The following AXDND1 variants were observed in gnomAD, a reference collection of about 807,000 sequenced individuals.
AXDND1 encodes axonemal dynein light chain domain containing 1, also known as axonemal dynein light chain domain-containing protein 1.
In AXDND1, 110 loss-of-function variants were observed where a neutral mutation model predicts 137.5. The ratio of observed to expected loss-of-function variants is 0.80; its 90% CI spans 0.69 to 0.94. The LOEUF (loss-of-function observed/expected upper bound fraction) is 0.94. AXDND1 is among the 40% of genes least tolerant of loss of function. The pLI is 0.00. For missense variants in AXDND1, 1,191 were observed against 1,169.8 expected (o/e 1.02, Z -0.26); for synonymous variants, 414 against 399.7 (o/e 1.04, Z -0.43).
chr1:179,553,647 G>C (rs915568966), intron 25 of AXDND1, among the ~76,000 whole-genome samples: 1 of 152,152 alleles, frequency 6.6e-6, no homozygotes, highest in African/African-American at 2.4e-5. Flanking sequence ...TTCCTTTCGG[G>C]ATGATGAAAA....
At chr1:179,530,063 A>G (rs1430300262) in intron 23 of AXDND1, among the ~76,000 whole-genome samples, 1 of 152,098 alleles carries the variant, frequency 6.6e-6, no homozygotes, top group Non-Finnish European at 1.5e-5. Context: ...GAGTCTTCGC[A>G]CTGTCACCTG....
At chr1:179,495,142 A>C (rs539796212) in intron 20 of AXDND1, among the ~76,000 whole-genome samples, 1 of 152,078 alleles carries the variant, frequency 6.6e-6, no homozygotes, top group East Asian at 1.9e-4. Context: ...AGGTAATATA[A>C]ATCCTCCAAA....
chr1:179,371,206 T>C (rs78949922), intron 4 of AXDND1, among the ~76,000 whole-genome samples: 2 of 152,108 alleles, frequency 1.3e-5, no homozygotes, highest in East Asian at 3.9e-4. Context: ...GGTGGGCAGA[T>C]CATTTGAGGT....
chr1:179,388,346 T>C (rs899031313), intron 9 of AXDND1, among the ~76,000 whole-genome samples: 1 of 152,234 alleles, frequency 6.6e-6, no homozygotes, highest in Non-Finnish European at 1.5e-5. Context: ...GTTGGGAAAT[T>C]ATCAGTGATG....
intron 11 of AXDND1, among the ~76,000 whole-genome samples, chr1:179,401,724 T>G (rs1053212718): frequency 6.6e-6 from 1 of 152,114 alleles, no homozygotes; most frequent in Non-Finnish European, 1.5e-5. Flanking sequence ...TCACGAGACC[T>G]GATTGTTTTA....
At chr1:179,427,213 A>G (rs959284957) in intron 12 of AXDND1, among the ~76,000 whole-genome samples, 6 of 152,162 alleles carry the variant, frequency 3.9e-5, no homozygotes, top group Non-Finnish European at 8.8e-5. Flanking sequence ...TATATAGTTT[A>G]GTTTATATAT....
At chr1:179,412,171 C>G (rs765169310) in intron 12 of AXDND1, among the ~76,000 whole-genome samples, 2 of 152,102 alleles carry the variant, frequency 1.3e-5, no homozygotes, top group Non-Finnish European at 2.9e-5. Context: ...TTCTGTTTAC[C>G]TTGGTACACA....
At chr1:179,400,322 A>T (rs1651763035) in intron 11 of AXDND1, among the ~76,000 whole-genome samples, 1 of 152,162 alleles carries the variant, frequency 6.6e-6, no homozygotes, top group Non-Finnish European at 1.5e-5. Flanking sequence ...GAAGTAACTC[A>T]GGAGTGGAAA....
chr1:179,521,926 A>G (rs988788854), intron 21 of AXDND1, among the ~76,000 whole-genome samples: 1 of 151,846 alleles, frequency 6.6e-6, no homozygotes, highest in Non-Finnish European at 1.5e-5. Flanking sequence ...TCTTCTCTCT[A>G]TTTTTAAGGT....
At chr1:179,515,444 G>A (rs564342867) in intron 21 of AXDND1, among the ~76,000 whole-genome samples, 19 of 152,280 alleles carry the variant, frequency 1.2e-4, no homozygotes, top group African/African-American at 4.1e-4. Flanking sequence ...GAAAACTGCT[G>A]TTAATCTGTT....
intron 15 of AXDND1, among the ~76,000 whole-genome samples, chr1:179,439,276 A>C (rs10913755): frequency 0.29 from 44,666 of 152,062 alleles, 6,782 homozygotes; most frequent in Non-Finnish European, 0.31. Flanking sequence ...CAGTTACATT[A>C]ATAGAACCAA....
intron 20 of AXDND1, 50 bp from the exon 21 acceptor site, chr1:179,509,246 G>A (rs1668801513): frequency 1.7e-6 from 2 of 1,175,920 alleles, no homozygotes; most frequent in Admixed American, 1.9e-5. Context: ...ATAGCGGTGA[G>A]TGAATAAATG....
intron 25 of AXDND1, chr1:179,544,300 G>T (rs551648917): frequency 6.6e-6 from 1 of 152,158 alleles, no homozygotes; most frequent in Non-Finnish European, 1.5e-5. Context: ...AGTTTCTCTC[G>T]AGAAAATAAT....
At chr1:179,527,508 T>C (rs1670640318) in intron 22 of AXDND1, among the ~76,000 whole-genome samples, 1 of 152,194 alleles carries the variant, frequency 6.6e-6, no homozygotes, top group Non-Finnish European at 1.5e-5. Flanking sequence ...TCTGACAGTA[T>C]ACTCATAAAT....
intron 25 of AXDND1, among the ~76,000 whole-genome samples, chr1:179,536,269 G>A (rs1671550428): frequency 6.6e-6 from 1 of 152,146 alleles, no homozygotes; most frequent in South Asian, 2.1e-4. Flanking sequence ...TGGTGTTTTA[G>A]TCATGAAGTC....
intron 1 of AXDND1, 25 bp from the exon 2 acceptor site, chr1:179,366,379 T>TTA (rs1553251160): frequency 2.8e-5 from 17 of 603,758 alleles, no homozygotes; most frequent in Middle Eastern, 7.2e-4. Context: ...TTTTTTTTTT[T>TTA]AAATCTTTTT....
chr1:179,372,708 A>G (rs1414569693), intron 4 of AXDND1, among the ~76,000 whole-genome samples: 2 of 152,082 alleles, frequency 1.3e-5, no homozygotes, highest in African/African-American at 4.8e-5. Flanking sequence ...TGAGAGATGG[A>G]GTTTTGCTCC....
At chr1:179,453,012 G>A (rs868290973) in intron 16 of AXDND1, 40 of 152,278 alleles carry the variant, frequency 2.6e-4, no homozygotes, top group African/African-American at 8.2e-4. Context: ...AGCTCAGGCT[G>A]TGGCTTCAGA....
chr1:179,493,216 A>AT (rs1011800716), intron 20 of AXDND1, among the ~76,000 whole-genome samples: 1 of 152,052 alleles, frequency 6.6e-6, no homozygotes, highest in African/African-American at 2.4e-5. Context: ...AACACCAAAG[A>AT]TTTTTTTTAT....
Sources: allele counts gnomAD v4.1 joint callset (sites outside exome capture counted in the v4.1 genomes callset), GRCh38; gene constraint gnomAD v4.1.1; transcripts MANE v1.5; gene names NCBI Gene and HGNC (gene_info 2026-07-23, HGNC 2026-07-21).